Variants in EIF4G3 observed in about 807,000 individuals in gnomAD.
The protein encoded by EIF4G3 is eukaryotic translation initiation factor 4 gamma 3, also known as eIF-4-gamma 3.
A neutral mutation model predicts 186.4 loss-of-function variants in EIF4G3; 34 were observed. That is an observed-to-expected ratio of 0.18 (90% CI 0.14 to 0.24). EIF4G3 has a LOEUF of 0.24. EIF4G3 is among the 10% of genes least tolerant of loss of function. The probability of loss-of-function intolerance (pLI) is 1.00; values close to 1 mark genes in which losing one functional copy is unlikely to be tolerated. For synonymous variants in EIF4G3, 673 were observed against 679.5 expected, an observed-to-expected ratio of 0.99 and a Z score of 0.15; for missense variants, 1,536 against 1,948.5, an observed-to-expected ratio of 0.79 and a Z score of 3.99.
intron 4 of EIF4G3, among the ~76,000 whole-genome samples, chr1:21,023,910 G>GC (rs2091466298): frequency 8.0e-6 from 1 of 124,768 alleles, no homozygotes; most frequent in Admixed American, 8.0e-5. Context: ...CTGCCCCGCC[G>GC]CCCCATCTGG....
At chr1:20,970,736 G>A (rs1358528539) in intron 11 of EIF4G3, among the ~76,000 whole-genome samples, 1 of 152,180 alleles carries the variant, frequency 6.6e-6, no homozygotes, top group African/African-American at 2.4e-5. Context: ...GGCTGAGGTG[G>A]GCGGATGACC....
intron 2 of EIF4G3, among the ~76,000 whole-genome samples, chr1:21,170,769 A>C (rs1174630130): frequency 6.6e-6 from 1 of 152,174 alleles, no homozygotes; most frequent in Non-Finnish European, 1.5e-5. Flanking sequence ...TGGATGGATC[A>C]TTTGAAGTCA....
chr1:21,128,275 G>A (rs543375032), intron 2 of EIF4G3, among the ~76,000 whole-genome samples: 43 of 151,536 alleles, frequency 2.8e-4, no homozygotes, highest in Admixed American at 3.3e-4. Context: ...TTGGGAGGCC[G>A]AGGCAGGCAG....
At position 20,857,415 on chromosome 1, in the gene EIF4G3, T is replaced by C; in HGVS notation, c.3327A>G (p.Leu1109=). ...NSRVLDPSKF[L]KITKPTIDEK... ...ATGTCAGACTCACCTTAGTGATTTT[T>C]AGGAATTTTGAGGGGTCCAGTACCC... is the stretch of plus-strand genomic sequence containing the variant. The change falls in exon 25 of 37, where the codon CTA becomes CTG. Residue 1109 remains leucine (L), a synonymous_variant. Coordinates refer to ENST00000602326, the MANE Select transcript of EIF4G3 (RefSeq NM_001391906.1). 1 of 1,613,992 alleles carries C rather than the reference T, an allele frequency of 6.2e-7. No homozygotes were observed. The highest frequency in any genetic ancestry group is 8.5e-7 in the Non-Finnish European group (1 of 1,179,930).
chr1:20,990,796 C>A (rs994080736), intron 7 of EIF4G3, among the ~76,000 whole-genome samples: 1 of 152,184 alleles, frequency 6.6e-6, no homozygotes, highest in African/African-American at 2.4e-5. Context: ...AAAAAATTCA[C>A]GACTTGCTTT....
In EIF4G3 at chr1:21,007,110, A is replaced by G. The variant is rs529056084; in HGVS notation, c.-66-4302T>C. On this transcript the variant is annotated intron_variant, in intron 4 of 36. Transcript: ENST00000602326. ...TAAGCTGCCAAATTTTCAAAGAGGT[A>G]TAAGGTACCAGGTGTGGTGGCTCAC... is the stretch of plus-strand genomic sequence containing the variant. 3.9e-5 allele frequency among the ~76,000 whole-genome samples: 6 copies of G among 152,284 alleles called. No homozygotes were observed. The East Asian group carries it at 1.2e-3, about 29-fold the overall frequency.
At chr1:21,070,023 GCTAA>G (rs2095397444) in intron 3 of EIF4G3, among the ~76,000 whole-genome samples, 1 of 152,144 alleles carries the variant, frequency 6.6e-6, no homozygotes, top group Non-Finnish European at 1.5e-5. Flanking sequence ...CTTGAACTCA[GCTAA>G]CTGTCCTATA....
chr1:20,923,139 T>G (rs1320763995), intron 14 of EIF4G3, among the ~76,000 whole-genome samples: 1 of 152,226 alleles, frequency 6.6e-6, no homozygotes, highest in Non-Finnish European at 1.5e-5. Context: ...ATCCTTCACT[T>G]TCTTGCCTGA....
chr1:20,826,108 T>C (rs1422875694), intron 32 of EIF4G3, among the ~76,000 whole-genome samples: 1 of 152,210 alleles, frequency 6.6e-6, no homozygotes, highest in Non-Finnish European at 1.5e-5. Context: ...TTAGTTTTAT[T>C]TGGAAGTAGG....
At chr1:20,892,248 C>A (rs989237540) in intron 18 of EIF4G3, among the ~76,000 whole-genome samples, 5 of 152,082 alleles carry the variant, frequency 3.3e-5, no homozygotes, top group South Asian at 2.1e-4. Flanking sequence ...ACATCAAACC[C>A]CAAGCTCCTC....
At chr1:21,029,039 C>T (rs545257031) in intron 4 of EIF4G3, among the ~76,000 whole-genome samples, 2 of 151,934 alleles carry the variant, frequency 1.3e-5, no homozygotes, top group South Asian at 2.1e-4. Flanking sequence ...TGAGCCAATG[C>T]GCCTGGCCCA....
intron 12 of EIF4G3, among the ~76,000 whole-genome samples, chr1:20,964,033 G>A (rs932581177): frequency 1.2e-4 from 18 of 152,074 alleles, no homozygotes; most frequent in South Asian, 6.2e-4. Context: ...TTACACTACC[G>A]GGTTTCAATG....
At chr1:21,045,846 A>G (rs2093853676) in intron 4 of EIF4G3, among the ~76,000 whole-genome samples, 1 of 152,156 alleles carries the variant, frequency 6.6e-6, no homozygotes, top group African/African-American at 2.4e-5. Context: ...TTTTAAATCT[A>G]AAATAGTTTT....
chr1:21,095,160 A>C (rs1233724421), intron 2 of EIF4G3, among the ~76,000 whole-genome samples: 1 of 152,188 alleles, frequency 6.6e-6, no homozygotes, highest in Non-Finnish European at 1.5e-5. Context: ...ACACATTAAT[A>C]TCTCTACAGC....
intron 32 of EIF4G3, among the ~76,000 whole-genome samples, chr1:20,825,559 G>A (rs1442077598): frequency 6.6e-6 from 1 of 152,186 alleles, no homozygotes; most frequent in Non-Finnish European, 1.5e-5. Context: ...TTGAAGTACA[G>A]CTGCTTAAGA....
chr1:21,146,700 T>C (rs2097449430), intron 2 of EIF4G3, among the ~76,000 whole-genome samples: 1 of 152,160 alleles, frequency 6.6e-6, no homozygotes, highest in Middle Eastern at 3.4e-3. Context: ...GAGGTTGCAG[T>C]GAGCCAAGAT....
intron 22 of EIF4G3, among the ~76,000 whole-genome samples, chr1:20,863,767 AAGAG>A (rs10562823): frequency 0.51 from 76,006 of 148,786 alleles, 19,981 homozygotes; most frequent in East Asian, 0.83. Flanking sequence ...AAAAAAAAAA[AAGAG>A]AGAGAGAGAG....
chr1:20,923,975 T>C (rs2094683691), intron 14 of EIF4G3, among the ~76,000 whole-genome samples: 1 of 152,138 alleles, frequency 6.6e-6, no homozygotes, highest in Admixed American at 6.5e-5. Context: ...GAAATCAATC[T>C]ATTAACCAAT....
At chr1:20,854,370 T>C (rs2154550885) in intron 26 of EIF4G3, among the ~76,000 whole-genome samples, 1 of 152,146 alleles carries the variant, frequency 6.6e-6, no homozygotes, top group African/African-American at 2.4e-5. Context: ...TATATTAAAT[T>C]TGTGAACAAC....
Sources: gnomAD v4.1 joint callset for allele counts (sites outside exome capture counted in the v4.1 genomes callset) on GRCh38, gnomAD v4.1.1 for gene constraint, MANE v1.5 for transcripts, NCBI Gene and HGNC (gene_info 2026-07-23, HGNC 2026-07-21) for gene names.